The following CFAP299 variants were observed in gnomAD, a reference collection of about 807,000 sequenced individuals.
CFAP299 encodes the protein cilia- and flagella-associated protein 299.
A neutral mutation model predicts 27.0 loss-of-function variants in CFAP299; 21 were observed. The ratio of observed to expected loss-of-function variants is 0.78; its 90% CI spans 0.55 to 1.12. The LOEUF (loss-of-function observed/expected upper bound fraction) is 1.12. Ranked by LOEUF, CFAP299 falls within the 50% of genes most tolerant of loss-of-function variation. The pLI, the probability that CFAP299 is intolerant of heterozygous loss-of-function variation, is 0.00. For synonymous variants in CFAP299, 104 were observed against 98.1 expected, an observed-to-expected ratio of 1.06 and a Z score of -0.36; for missense variants, 310 against 276.6, an observed-to-expected ratio of 1.12 and a Z score of -0.86.
chr4:80,595,817 G>T (rs1737031573), intron 3 of CFAP299, among the ~76,000 whole-genome samples: 2 of 152,174 alleles, frequency 1.3e-5, no homozygotes, highest in Non-Finnish European at 2.9e-5. Flanking sequence ...ATTTTCTGGT[G>T]TGTTTTCTGA....
chr4:80,709,329 CA>C (rs901269428), intron 3 of CFAP299, among the ~76,000 whole-genome samples: 18 of 151,622 alleles, frequency 1.2e-4, no homozygotes, highest in Non-Finnish European at 5.9e-5. Context: ...AGTATAAAGA[CA>C]AAAAAAATTG....
chr4:80,762,843 A>G (rs1342682607), intron 3 of CFAP299, among the ~76,000 whole-genome samples: 1 of 152,122 alleles, frequency 6.6e-6, no homozygotes, highest in African/African-American at 2.4e-5. Context: ...CTTTTCCGCA[A>G]TGGGAGACAG....
chr4:80,689,948 G>C (rs563396345), intron 3 of CFAP299, among the ~76,000 whole-genome samples: 3 of 150,856 alleles, frequency 2.0e-5, no homozygotes, highest in African/African-American at 7.4e-5. Flanking sequence ...GACAAAGAAG[G>C]CCATTACATA....
chr4:80,830,912 G>C (rs1165621794), intron 3 of CFAP299, among the ~76,000 whole-genome samples: 1 of 152,114 alleles, frequency 6.6e-6, no homozygotes, highest in Non-Finnish European at 1.5e-5. Flanking sequence ...AAGGTCCAGA[G>C]ATTTCATTAA....
chr4:80,849,175 T>A lies in CFAP299; in HGVS notation c.334-20818T>A, dbSNP rs534118027. Among the ~76,000 whole-genome samples, 20 of 152,226 alleles carry A rather than the reference T, an allele frequency of 1.3e-4. 1 individual carries two copies. The South Asian group carries it at 4.1e-3, about 32-fold the overall frequency. On this transcript the variant is annotated intron_variant, in intron 3 of 5. Transcript: ENST00000358105. ...TCTACAAACTTTTTCTTTTTTAAAA[T>A]TTTTTATTATTTTTTCTTTACTTTT...
At chr4:80,653,182 A>T (rs963312165) in intron 3 of CFAP299, among the ~76,000 whole-genome samples, 5 of 152,220 alleles carry the variant, frequency 3.3e-5, no homozygotes, top group African/African-American at 1.2e-4. Context: ...ATAGTTTTTC[A>T]TACTTATCCA....
Position 80,591,500 on chromosome 4 carries a change from G to A in CFAP299, c.333+8317G>A, listed in dbSNP as rs1052889647. On this transcript the variant is annotated intron_variant, in intron 3 of 5. Transcript: ENST00000358105. ...GTCGAACTTTGGCGTGGCACCTCAC[G>A]ATTATTTCTTCTCTGGAAATGGAAT... Among the ~76,000 whole-genome samples, 3 of 152,240 alleles carry A rather than the reference G, an allele frequency of 2.0e-5. No homozygotes were observed. The East Asian group carries it at 5.8e-4, about 29-fold the overall frequency.
chr4:80,637,903 T>A lies in CFAP299; in HGVS notation c.333+54720T>A, dbSNP rs535525144. ...AAAGTCAGTACAATCTCTGTATTTC[T>A]TTTGTCACACAAAGTTGACTATCCT... On this transcript the variant is annotated intron_variant, in intron 3 of 5. Coordinates refer to ENST00000358105, the MANE Select transcript of CFAP299 (RefSeq NM_152770.3). Among the ~76,000 whole-genome samples the A allele has an allele frequency of 2.0e-5, 3 of 152,356 alleles. No individual in the cohort carries two copies. The South Asian group carries it at 6.2e-4, about 32-fold the overall frequency.
At position 80,666,270 on chromosome 4, in the gene CFAP299, A is replaced by G. The variant is rs186869861; in HGVS notation, c.333+83087A>G. Among the ~76,000 whole-genome samples, 255 of 152,162 alleles carry G rather than the reference A, an allele frequency of 1.7e-3. 1 individual carries two copies. The highest frequency in any genetic ancestry group is 2.7e-3 in the Admixed American group (41 of 15,274). On this transcript the variant is annotated intron_variant, in intron 3 of 5. Coordinates refer to ENST00000358105, the MANE Select transcript of CFAP299 (RefSeq NM_152770.3). ...TCCCTTAACTATGTCTCAGAGTCTT[A>G]TTCAGATTTGCCTATATTCCTTTCT...
Position 80,671,072 on chromosome 4 carries a change from T to C in CFAP299, c.333+87889T>C, listed in dbSNP as rs182395693. ...GTCATGAAGTCCTTGCCCATGCCTA[T>C]GTCCTGAATGGTATTGCCTAGGTTT... On this transcript the variant is annotated intron_variant, in intron 3 of 5. Coordinates refer to ENST00000358105, the MANE Select transcript of CFAP299 (RefSeq NM_152770.3). Among the ~76,000 whole-genome samples the C allele has an allele frequency of 5.1e-3, 773 of 152,366 alleles. 5 individuals carry two copies. The highest frequency in any genetic ancestry group is 0.02 in the Middle Eastern group (6 of 294).
intron 3 of CFAP299, among the ~76,000 whole-genome samples, chr4:80,778,175 T>A (rs899916332): frequency 6.6e-5 from 10 of 152,156 alleles, no homozygotes; most frequent in Non-Finnish European, 8.8e-5. Flanking sequence ...GGATTTTTTT[T>A]AAAGTATCTT....
chr4:80,577,344 A>C (rs1735920552), intron 2 of CFAP299, among the ~76,000 whole-genome samples: 1 of 151,408 alleles, frequency 6.6e-6, no homozygotes, highest in South Asian at 2.1e-4. Flanking sequence ...GTTAGAATAC[A>C]TTTAATCCCA....
At chr4:80,748,612 C>T (rs1056708957) in intron 3 of CFAP299, among the ~76,000 whole-genome samples, 3 of 152,136 alleles carry the variant, frequency 2.0e-5, no homozygotes, top group Admixed American at 2.0e-4. Flanking sequence ...TTATTTTTCA[C>T]TTCTCCATTT....
chr4:80,397,841 A>G (rs1214002406), intron 2 of CFAP299, among the ~76,000 whole-genome samples: 1 of 152,194 alleles, frequency 6.6e-6, no homozygotes, highest in African/African-American at 2.4e-5. Context: ...GGCCAGGGCA[A>G]TCAGGCAGGA....
chr4:80,819,153 G>A (rs1729569359), intron 3 of CFAP299, among the ~76,000 whole-genome samples: 1 of 152,148 alleles, frequency 6.6e-6, no homozygotes, highest in Non-Finnish European at 1.5e-5. Context: ...TGAATCCTCA[G>A]AAGAAGCTAT....
At chr4:80,585,293 G>T (rs1166781723) in intron 3 of CFAP299, among the ~76,000 whole-genome samples, 1 of 152,130 alleles carries the variant, frequency 6.6e-6, no homozygotes, top group Non-Finnish European at 1.5e-5. Context: ...GAGATCATGT[G>T]TTTGATTTTG....
chr4:80,488,120 G>C (rs2110134716), intron 2 of CFAP299, among the ~76,000 whole-genome samples: 1 of 152,240 alleles, frequency 6.6e-6, no homozygotes, highest in Middle Eastern at 3.4e-3. Context: ...TTGCCTATTG[G>C]TATACAAATT....
intron 3 of CFAP299, among the ~76,000 whole-genome samples, chr4:80,652,601 A>G (rs919045298): frequency 1.3e-5 from 2 of 152,142 alleles, no homozygotes; most frequent in South Asian, 2.1e-4. Context: ...AACAGTCACA[A>G]AAATATTTAC....
At chr4:80,843,839 C>G (rs1200269373) in intron 3 of CFAP299, among the ~76,000 whole-genome samples, 1 of 152,030 alleles carries the variant, frequency 6.6e-6, no homozygotes, top group Non-Finnish European at 1.5e-5. Context: ...TATACATGTG[C>G]CATGTTGGTG....
Sources: allele counts gnomAD v4.1 joint callset (sites outside exome capture counted in the v4.1 genomes callset), GRCh38; gene constraint gnomAD v4.1.1; transcripts MANE v1.5; gene names NCBI Gene and HGNC (gene_info 2026-07-23, HGNC 2026-07-21).